The following CCDC69 variants were observed in gnomAD, a reference collection of about 807,000 sequenced individuals.
CCDC69 encodes the protein coiled-coil domain-containing protein 69.
CCDC69 carries 38 observed loss-of-function variants against 40.3 expected under a neutral mutation model. That is an observed-to-expected ratio of 0.94 (90% CI 0.73 to 1.24). The LOEUF is 1.24. CCDC69 is among the 50% of genes most tolerant of loss of function. CCDC69 has a pLI of 0.00. For synonymous variants in CCDC69, 141 were observed against 138.9 expected (o/e 1.02, Z -0.11); for missense variants, 389 against 357.9 (o/e 1.09, Z -0.70).
At chr5:151,212,649 G>T in intron 1 of CCDC69, 1 of 391,252 alleles carries the variant, frequency 2.6e-6, no homozygotes, top group Non-Finnish European at 5.1e-6. Context: ...GAAACCGACA[G>T]GATGTAGGAG....
intron 1 of CCDC69, among the ~76,000 whole-genome samples, chr5:151,220,418 G>A (rs996337275): frequency 1.3e-5 from 2 of 152,224 alleles, no homozygotes; most frequent in Admixed American, 6.5e-5. Flanking sequence ...AGTCAGGACT[G>A]AACCAGCATC....
At chr5:151,184,616 G>T in intron 7 of CCDC69, 175 bp from the exon 8 acceptor site, 3 of 531,342 alleles carry the variant, frequency 5.6e-6, no homozygotes, top group Non-Finnish European at 1.0e-5. Context: ...GTTAACAAAG[G>T]GCTGCGGCTT....
chr5:151,212,478 A>G (rs1233066404), intron 1 of CCDC69, among the ~76,000 whole-genome samples: 1 of 152,228 alleles, frequency 6.6e-6, no homozygotes. Context: ...AACCTGAGAT[A>G]GTAGGACACA....
intron 1 of CCDC69, chr5:151,212,823 C>T (rs1340900995): frequency 4.4e-6 from 2 of 456,094 alleles, no homozygotes; most frequent in Non-Finnish European, 4.4e-6. Flanking sequence ...GGATTGTGGC[C>T]AAGCATGAGG....
Position 151,185,466 on chromosome 5 carries a change from G to C in CCDC69, c.571C>G (p.Arg191Gly), listed in dbSNP as rs748092478. The stretch of plus-strand genomic sequence containing the variant: ...AGCCGCCTGTCCAGCTCATGAATAC[G>C]CTCATTCTTCATCTCGATGACAAAG... ...LHFVIEMKNE[R>G]IHELDRRLIL... Residue 191 changes from arginine (R) to glycine (G), a missense_variant, in exon 7 of 9, where the codon CGT becomes GGT. By Grantham distance (125) the Arg-to-Gly change is moderately radical. Transcript: ENST00000355417. 6.2e-6 allele frequency: 10 copies of C among 1,613,754 alleles called. No homozygotes were observed. Among genetic ancestry groups the C allele is most frequent in the Admixed American group, 1.7e-5 (1 of 60,014 alleles).
intron 2 of CCDC69, among the ~76,000 whole-genome samples, chr5:151,204,959 A>T (rs1228341210): frequency 1.3e-5 from 2 of 152,040 alleles, no homozygotes; most frequent in African/African-American, 4.8e-5. Flanking sequence ...TGATCCTGTC[A>T]CCCAGGTACT....
intron 1 of CCDC69, chr5:151,212,744 G>A (rs796165787): frequency 3.7e-5 from 17 of 455,844 alleles, no homozygotes; most frequent in African/African-American, 3.4e-4. Context: ...ACCTGATATT[G>A]TCTTCAAATC....
intron 4 of CCDC69, among the ~76,000 whole-genome samples, chr5:151,198,406 C>T (rs1352794409): frequency 6.6e-6 from 1 of 151,942 alleles, no homozygotes; most frequent in African/African-American, 2.4e-5. Flanking sequence ...ATAGTGACAG[C>T]ATCTTGCTAT....
intron 1 of CCDC69, among the ~76,000 whole-genome samples, chr5:151,207,557 CT>C (rs2113997673): frequency 6.6e-6 from 1 of 152,274 alleles, no homozygotes; most frequent in South Asian, 2.1e-4. Context: ...TCCCAAAGTG[CT>C]GGGATTACAG....
chr5:151,213,008 T>C (rs1442500657), intron 1 of CCDC69: 1 of 404,068 alleles, frequency 2.5e-6, no homozygotes, highest in East Asian at 7.2e-5. Flanking sequence ...TGGTGATCTT[T>C]TAGAACCCTG....
chr5:151,200,675 C>A (rs1229849322), intron 3 of CCDC69, among the ~76,000 whole-genome samples: 1 of 152,168 alleles, frequency 6.6e-6, no homozygotes, highest in East Asian at 1.9e-4. Flanking sequence ...ATTCAGTCAT[C>A]CCATCACTTT....
intron 5 of CCDC69, 146 bp from the exon 6 acceptor site, chr5:151,186,270 TC>T (rs1306731775): frequency 1.5e-6 from 1 of 654,138 alleles, no homozygotes; most frequent in East Asian, 2.6e-5. Flanking sequence ...TCAACATACT[TC>T]GACCACTGCT....
rs1766671615 is a variant in CCDC69 at position 151,183,357 on chromosome 5, G to A, written c.*80C>T. On this transcript the variant is annotated 3_prime_UTR_variant, in exon 9 of 9. Coordinates refer to ENST00000355417, the MANE Select transcript of CCDC69 (RefSeq NM_015621.3). ...TCGTTCCTTCCTGGAAAAGAACTGA[G>A]AGGCTCCTGCTGTCTTCTCCAGAAA... 6.8e-7 allele frequency: 1 copy of A among 1,468,722 alleles called. No individual in the cohort carries two copies. The highest frequency in any genetic ancestry group is 2.4e-5 in the East Asian group (1 of 41,892). The allele number at this position is 1,468,722 out of a possible 1,614,324, so 91.0% of individuals were successfully genotyped here.
chr5:151,185,715 G>A (rs168699), intron 6 of CCDC69, among the ~76,000 whole-genome samples, 174 bp from the exon 7 acceptor site: 97,312 of 152,078 alleles, frequency 0.64, 31,481 homozygotes, highest in Admixed American at 0.76. Flanking sequence ...TGAGACATGT[G>A]CTAGCACCAC....
At chr5:151,203,666 TA>T (rs1195783848) in intron 2 of CCDC69, among the ~76,000 whole-genome samples, 4 of 139,188 alleles carry the variant, frequency 2.9e-5, no homozygotes, top group South Asian at 2.1e-4. Context: ...TTAGTATATA[TA>T]AAAAATAGTA....
At chr5:151,222,426 C>G (rs1425217549) in intron 1 of CCDC69, among the ~76,000 whole-genome samples, 1 of 152,234 alleles carries the variant, frequency 6.6e-6, no homozygotes, top group Non-Finnish European at 1.5e-5. Context: ...TTTCCTCCAC[C>G]TCTAGGTAGA....
At chr5:151,195,535 A>G (rs1046357397) in intron 4 of CCDC69, among the ~76,000 whole-genome samples, 9 of 152,066 alleles carry the variant, frequency 5.9e-5, no homozygotes, top group African/African-American at 2.2e-4. Context: ...CCTGGCCAAC[A>G]TGGTGAAACC....
intron 4 of CCDC69, among the ~76,000 whole-genome samples, chr5:151,197,869 A>G (rs563692876): frequency 6.6e-6 from 1 of 152,342 alleles, no homozygotes; most frequent in African/African-American, 2.4e-5. Flanking sequence ...ACAAGGGTGC[A>G]TATTGGAATG....
chr5:151,192,886 A>G (rs755150400), intron 4 of CCDC69, among the ~76,000 whole-genome samples: 2 of 151,698 alleles, frequency 1.3e-5, no homozygotes, highest in Non-Finnish European at 2.9e-5. Flanking sequence ...TCCCATCCTC[A>G]GATTCAACCA....
Sources: allele counts gnomAD v4.1 joint callset (sites outside exome capture counted in the v4.1 genomes callset), GRCh38; gene constraint gnomAD v4.1.1; transcripts MANE v1.5; gene names NCBI Gene and HGNC (gene_info 2026-07-23, HGNC 2026-07-21).